CHORDC1: variants seen among roughly 807,000 people sequenced by gnomAD.
The protein encoded by CHORDC1 is cysteine and histidine rich domain containing 1.
CHORDC1 carries 25 observed loss-of-function variants against 48.3 expected under a neutral mutation model. The ratio of observed to expected loss-of-function variants is 0.52; its 90% CI spans 0.38 to 0.72. The LOEUF is 0.72. CHORDC1 is among the 30% of genes least tolerant of loss of function. CHORDC1 has a pLI of 0.00. For missense variants in CHORDC1, 317 were observed against 388.7 expected (o/e 0.82, Z 1.55); for synonymous variants, 128 against 126.4 (o/e 1.01, Z -0.09).
intron 6 of CHORDC1, chr11:90,207,606 T>C (rs1291258180): frequency 6.6e-6 from 1 of 151,916 alleles, no homozygotes; most frequent in Non-Finnish European, 1.5e-5. Context: ...TACAAACTGG[T>C]AAGCAAGAGA....
chr11:90,210,624 A>G lies in CHORDC1; in HGVS notation c.434-30T>C, dbSNP rs183851338. On this transcript the variant is annotated intron_variant, in intron 5 of 10. Coordinates refer to ENST00000320585, the MANE Select transcript of CHORDC1 (RefSeq NM_012124.3). ...AACAAAGAAAAAAAAATCAAATTAA[A>G]AAGTTAAAATAGAACTTCGCTGTGG... 593 of 1,440,204 alleles carry G rather than the reference A, an allele frequency of 4.1e-4. No homozygotes were observed. The African/African-American group carries it at 7.4e-3, about 18-fold the overall frequency. The allele number at this position is 1,440,204 out of a possible 1,614,324, so 89.2% of individuals were successfully genotyped here. A position where few individuals can be genotyped will look rare whatever the true frequency, so the allele number is the denominator to read the frequency against.
chr11:90,222,677 T>C, intron 1 of CHORDC1: 1 of 696,486 alleles, frequency 1.4e-6, no homozygotes, highest in Non-Finnish European at 2.6e-6. Flanking sequence ...CAGAGGACAG[T>C]CAGGCGCCGG....
chr11:90,216,250 C>A (rs1195044992), intron 2 of CHORDC1, among the ~76,000 whole-genome samples: 1 of 152,074 alleles, frequency 6.6e-6, no homozygotes, highest in Non-Finnish European at 1.5e-5. Flanking sequence ...GTGATACACA[C>A]ATGTAAAATA....
At chr11:90,213,948 T>G (rs952516644) in intron 4 of CHORDC1, 70 bp downstream of exon 4, 5 of 1,294,716 alleles carry the variant, frequency 3.9e-6, no homozygotes, top group Non-Finnish European at 5.3e-6. Context: ...TGCTAAATCA[T>G]AAAGGAAAGT....
At chr11:90,207,759 T>TAAAA (rs1857736256) in intron 6 of CHORDC1, 3 of 3,364 alleles carry the variant, frequency 8.9e-4, no homozygotes, top group East Asian at 8.5e-3. Context: ...ATGGTTAAAA[T>TAAAA]ACAAAAAAAA....
In CHORDC1 at chr11:90,206,279, A is replaced by G. The variant is rs75626508; in HGVS notation, c.493-7T>C. 186 of 1,495,412 alleles carry G rather than the reference A, an allele frequency of 1.2e-4. No individual in the cohort carries two copies. The highest frequency in any genetic ancestry group is 1.6e-4 in the Non-Finnish European group (170 of 1,074,172). The allele number at this position is 1,495,412 out of a possible 1,614,324, so 92.6% of individuals were successfully genotyped here. A position where few individuals can be genotyped will look rare whatever the true frequency, so the allele number is the denominator to read the frequency against. ...TCTCTAGACCCTGGTATGTCTAAAAAGGAAACAAAGAGAAAAAAAATTAGC... is the reference window on the plus strand; with the variant it reads ...TCTCTAGACCCTGGTATGTCTAAAAGGGAAACAAAGAGAAAAAAAATTAGC... On this transcript the variant is annotated splice_polypyrimidine_tract_variant and splice_region_variant and intron_variant, in intron 6 of 10. Coordinates refer to ENST00000320585, the MANE Select transcript of CHORDC1 (RefSeq NM_012124.3).
intron 5 of CHORDC1, 106 bp from the exon 6 acceptor site, chr11:90,210,700 C>G: frequency 1.4e-6 from 1 of 696,292 alleles, no homozygotes; most frequent in Non-Finnish European, 2.5e-6. Flanking sequence ...TTTTAGAAAA[C>G]GACTGTGACT....
At chr11:90,222,687 G>C (rs1217075063) in intron 1 of CHORDC1, 2 of 700,652 alleles carry the variant, frequency 2.9e-6, no homozygotes, top group Admixed American at 2.0e-5. Context: ...TCAGGCGCCG[G>C]GGCCGGGCGC....
At chr11:90,219,673 C>A (rs1358004197) in intron 1 of CHORDC1, among the ~76,000 whole-genome samples, 3 of 152,168 alleles carry the variant, frequency 2.0e-5, no homozygotes, top group African/African-American at 7.2e-5. Flanking sequence ...CTTTATTTCC[C>A]GTAAGGAATA....
Position 90,203,332 on chromosome 11 carries a change from G to A in CHORDC1, c.765C>T (p.Ser255=), listed in dbSNP as rs748091047. The part of the protein sequence containing the change: ...VYAKNSLPEL[S]RVEANSTLLN... ...CCAATGTGCTATTTGCTTCTACTCGGCTAAGTTCTGGAAGTGAGTTTTTAG... is the reference window on the plus strand; with the variant it reads ...CCAATGTGCTATTTGCTTCTACTCGACTAAGTTCTGGAAGTGAGTTTTTAG... The change falls in exon 9 of 11, where the codon AGC becomes AGT. Residue 255 remains serine (S), a synonymous_variant. Coordinates refer to ENST00000320585, the MANE Select transcript of CHORDC1 (RefSeq NM_012124.3). 9 of 1,595,614 alleles carry A rather than the reference G, an allele frequency of 5.6e-6. No homozygotes were observed. The East Asian group carries it at 1.3e-4, about 24-fold the overall frequency.
rs753495307 is a variant in CHORDC1 at position 90,222,930 on chromosome 11, C to T, written c.25G>A (p.Gly9Ser). Residue 9 changes from glycine (G) to serine (S), a missense_variant, in exon 1 of 11, where the codon GGC becomes AGC. Coordinates refer to ENST00000320585, the MANE Select transcript of CHORDC1 (RefSeq NM_012124.3). MALLCYNR[G>S]CGQRFDPETN... ...TCAGGATCGAAGCGCTGACCGCAGC[C>T]CCGGTTGTAGCACAGCAAGGCCATT... The T allele has an allele frequency of 1.4e-5, 22 of 1,614,116 alleles. No individual in the cohort carries two copies. The highest frequency in any genetic ancestry group is 1.9e-5 in the Non-Finnish European group (22 of 1,179,992).
At position 90,201,489 on chromosome 11, in the gene CHORDC1, A is replaced by C. The variant is rs535705113; in HGVS notation, c.*916T>G. 1 of 152,172 alleles carries C rather than the reference A, an allele frequency of 6.6e-6. No homozygotes were observed. Among genetic ancestry groups the C allele is most frequent in the East Asian group, 1.9e-4 (1 of 5,202 alleles). 9.4% of individuals were successfully genotyped at this position (152,172 alleles called of 1,614,324 possible). ...TTTATTTAACATGTAATAGTCATAA[A>C]GCAACTCCATATATTTAGTTTTCTG... is the stretch of plus-strand genomic sequence containing the variant. On this transcript the variant is annotated 3_prime_UTR_variant, in exon 11 of 11. Coordinates refer to ENST00000320585, the MANE Select transcript of CHORDC1 (RefSeq NM_012124.3).
rs1857521370 is a variant in CHORDC1 at position 90,200,556 on chromosome 11, A to T, written c.*1849T>A. 6.6e-6 allele frequency among the ~76,000 whole-genome samples: 1 copy of T among 151,676 alleles called. No homozygotes were observed. Among genetic ancestry groups the T allele is most frequent in the South Asian group, 2.1e-4 (1 of 4,826 alleles). ...GTCTAAGAGAAATATTCGGATTTTT[A>T]TCTGGACAAGAAATTCAAAGGCTCC... On this transcript the variant is annotated 3_prime_UTR_variant, in exon 11 of 11. Transcript: ENST00000320585.
At chr11:90,210,790 A>G (rs1857838829) in intron 5 of CHORDC1, 196 bp from the exon 6 acceptor site, 2 of 537,616 alleles carry the variant, frequency 3.7e-6, no homozygotes, top group South Asian at 2.5e-5. Context: ...ACAATGCAGG[A>G]CACAATTTTT....
intron 1 of CHORDC1, among the ~76,000 whole-genome samples, chr11:90,218,982 C>T (rs1858091314): frequency 6.6e-6 from 1 of 150,716 alleles, no homozygotes; most frequent in South Asian, 2.1e-4. Flanking sequence ...AAATAGAAGT[C>T]TAGGTGGGCC....
chr11:90,217,577 A>G (rs1163705130), intron 2 of CHORDC1, among the ~76,000 whole-genome samples: 1 of 152,152 alleles, frequency 6.6e-6, no homozygotes, highest in African/African-American at 2.4e-5. Context: ...CAACCACTCT[A>G]TTTTCCCTCA....
At chr11:90,222,815 G>A in intron 1 of CHORDC1, 76 bp downstream of exon 1, 1 of 1,335,868 alleles carries the variant, frequency 7.5e-7, no homozygotes, top group Non-Finnish European at 1.1e-6. Flanking sequence ...GAGATCCGCG[G>A]ACACCCTCCG....
intron 5 of CHORDC1, 72 bp from the exon 6 acceptor site, chr11:90,210,666 T>C (rs1161383991): frequency 6.2e-6 from 6 of 973,670 alleles, no homozygotes; most frequent in Non-Finnish European, 9.4e-6. Flanking sequence ...TCTTAAAAAC[T>C]AGGTTTTTCC....
intron 4 of CHORDC1, 190 bp downstream of exon 4, chr11:90,213,828 T>G (rs890691769): frequency 1.9e-6 from 1 of 538,708 alleles, no homozygotes; most frequent in African/African-American, 1.9e-5. Flanking sequence ...TGTAGTTATA[T>G]TGTGTACATG....
Sources: allele counts gnomAD v4.1 joint callset (sites outside exome capture counted in the v4.1 genomes callset), GRCh38; gene constraint gnomAD v4.1.1; transcripts MANE v1.5; gene names NCBI Gene and HGNC (gene_info 2026-07-23, HGNC 2026-07-21).